Variants in RRAGB observed in about 807,000 individuals in gnomAD.
RRAGB encodes the protein ras-related GTP-binding protein B.
In RRAGB, 6 loss-of-function variants were observed where a neutral mutation model predicts 29.3. The ratio of observed to expected loss-of-function variants is 0.21; its 90% CI spans 0.11 to 0.40. RRAGB has a LOEUF of 0.40. Among genes scored for constraint, RRAGB ranks in the 10% least tolerant of loss-of-function variants. The pLI, the probability that RRAGB is intolerant of heterozygous loss-of-function variation, is 1.00. For missense variants in RRAGB, 184 were observed against 272.9 expected, an observed-to-expected ratio of 0.67 and a Z score of 2.29; for synonymous variants, 101 against 92.5, an observed-to-expected ratio of 1.09 and a Z score of -0.53.
intron 9 of RRAGB, among the ~76,000 whole-genome samples, chrX:55,757,938 T>C (rs2034699975): frequency 8.9e-6 from 1 of 112,019 alleles, no homozygotes; most frequent in African/African-American, 3.2e-5. Flanking sequence ...TTTAAATTAA[T>C]CTCTCATCCA....
intron 7 of RRAGB, among the ~76,000 whole-genome samples, chrX:55,753,903 G>A (rs972501861): frequency 8.9e-6 from 1 of 111,792 alleles, no homozygotes; most frequent in Non-Finnish European, 1.9e-5. Flanking sequence ...AAATTAGCCA[G>A]GTGTGGTGAC....
chrX:55,738,592 G>A (rs972092007), intron 5 of RRAGB, among the ~76,000 whole-genome samples: 1 of 112,534 alleles, frequency 8.9e-6, no homozygotes, highest in Non-Finnish European at 1.9e-5. Flanking sequence ...GGGATGGTGT[G>A]GGTAAATGAT....
intron 5 of RRAGB, among the ~76,000 whole-genome samples, chrX:55,738,595 T>C (rs1805154140): frequency 2.7e-5 from 3 of 112,442 alleles, no homozygotes; most frequent in African/African-American, 9.7e-5. Flanking sequence ...ATGGTGTGGG[T>C]AAATGATGTT....
At chrX:55,732,968 ATTTAT>A (rs1192133068) in intron 5 of RRAGB, among the ~76,000 whole-genome samples, 2 of 110,631 alleles carry the variant, frequency 1.8e-5, no homozygotes, top group Non-Finnish European at 3.8e-5. Flanking sequence ...TAGTATTTTA[ATTTAT>A]TTTATTATTT....
At chrX:55,741,217 C>A (rs1471385771) in intron 5 of RRAGB, among the ~76,000 whole-genome samples, 1 of 110,798 alleles carries the variant, frequency 9.0e-6, no homozygotes, top group Non-Finnish European at 1.9e-5. Flanking sequence ...GATGGCTAGC[C>A]ACTATGCTCT....
Position 55,758,402 on chromosome X carries a change from A to C in RRAGB, c.*59A>C. 1 of 765,362 alleles carries C rather than the reference A, an allele frequency of 1.3e-6. No homozygotes were observed. The highest frequency in any genetic ancestry group is 1.9e-6 in the Non-Finnish European group (1 of 521,045). The allele number at this position is 765,362 out of a possible 1,213,427, so 63.1% of individuals were successfully genotyped here. A position where few individuals can be genotyped will look rare whatever the true frequency, so the allele number is the denominator to read the frequency against. On this transcript the variant is annotated 3_prime_UTR_variant, in exon 10 of 10. Coordinates refer to ENST00000374941, the MANE Select transcript of RRAGB (RefSeq NM_006064.5). The stretch of plus-strand genomic sequence containing the variant: ...AAGTTTCCTAATTAATGTTGTATTC[A>C]TATATGTAGGCTCTGAAATGTTGTG...
At chrX:55,718,483 A>G in intron 1 of RRAGB, 64 bp downstream of exon 1, 1 of 681,916 alleles carries the variant, frequency 1.5e-6, no homozygotes, top group Non-Finnish European at 2.2e-6. Flanking sequence ...AGTATTGTGA[A>G]TTAGAACACT....
At chrX:55,749,078 C>T (rs1225572218) in intron 5 of RRAGB, among the ~76,000 whole-genome samples, 2 of 101,403 alleles carry the variant, frequency 2.0e-5, no homozygotes, top group African/African-American at 7.3e-5. Context: ...AGCCCCCCGC[C>T]CGGCCAGCCG....
chrX:55,723,970 A>T (rs1356795983), intron 3 of RRAGB, among the ~76,000 whole-genome samples: 1 of 111,980 alleles, frequency 8.9e-6, no homozygotes, highest in Admixed American at 9.4e-5. Context: ...ACTTGTTTAC[A>T]TTTTTCTTAT....
intron 5 of RRAGB, among the ~76,000 whole-genome samples, chrX:55,733,931 GT>G (rs144020341): frequency 0.52 from 51,541 of 100,038 alleles, 12,388 homozygotes; most frequent in East Asian, 0.74. Context: ...TGGTCCTGGG[GT>G]TTTTTTTTTT....
chrX:55,726,749 A>G (rs993220381), intron 3 of RRAGB, among the ~76,000 whole-genome samples: 1 of 111,657 alleles, frequency 9.0e-6, no homozygotes, highest in African/African-American at 3.3e-5. Flanking sequence ...TAGATTTTGT[A>G]GGAAGAAAGG....
intron 5 of RRAGB, among the ~76,000 whole-genome samples, chrX:55,748,020 G>A (rs1042299883): frequency 2.7e-5 from 3 of 112,423 alleles, no homozygotes; most frequent in East Asian, 2.8e-4. Context: ...GGCGGGCGCC[G>A]CCACACCTGA....
At chrX:55,742,018 T>C (rs894343398) in intron 5 of RRAGB, among the ~76,000 whole-genome samples, 1 of 112,238 alleles carries the variant, frequency 8.9e-6, no homozygotes, top group Non-Finnish European at 1.9e-5. Flanking sequence ...CAACCAAAAA[T>C]GCAATAATCA....
intron 5 of RRAGB, among the ~76,000 whole-genome samples, chrX:55,748,891 G>C (rs757355298): frequency 1.0e-5 from 1 of 100,463 alleles, no homozygotes; most frequent in Non-Finnish European, 2.0e-5. Context: ...CCGGCCAGCC[G>C]CCCCATCCGG....
intron 3 of RRAGB, chrX:55,727,246 G>A: frequency 9.0e-7 from 1 of 1,106,119 alleles, no homozygotes; most frequent in Non-Finnish European, 1.2e-6. Flanking sequence ...ACTGACTCCT[G>A]TCACTTCTTT....
At chrX:55,751,821 G>C (rs1280489973) in intron 6 of RRAGB, among the ~76,000 whole-genome samples, 1 of 111,241 alleles carries the variant, frequency 9.0e-6, no homozygotes, top group Non-Finnish European at 1.9e-5. Flanking sequence ...TACCTTATTG[G>C]CACATAGGCT....
intron 2 of RRAGB, among the ~76,000 whole-genome samples, chrX:55,719,813 T>C (rs1427542364): frequency 8.9e-6 from 1 of 112,554 alleles, no homozygotes; most frequent in Non-Finnish European, 1.9e-5. Context: ...CAGATAGAAT[T>C]GGACACACCT....
Position 55,722,435 on chromosome X carries a change from G to A in RRAGB, c.226+150G>A, listed in dbSNP as rs1187923013. On this transcript the variant is annotated intron_variant, in intron 3 of 9. Transcript: ENST00000374941. Reference sequence around the variant, plus strand: ...CCTTTTTGCATTCGTTTTCAAAGAGGTGTGGCCTAATACCAGTTACTACTG... The same window carrying A: ...CCTTTTTGCATTCGTTTTCAAAGAGATGTGGCCTAATACCAGTTACTACTG... 3.2e-5 allele frequency: 12 copies of A among 373,145 alleles called. No homozygotes were observed. In the South Asian group the frequency reaches 7.2e-4, roughly 22 times the overall value. The allele number at this position is 373,145 out of a possible 1,213,427, so 30.8% of individuals were successfully genotyped here.
At position 55,734,024 on chromosome X, in the gene RRAGB, C is replaced by T. The variant is rs746257092; in HGVS notation, c.516+2438C>T. Among the ~76,000 whole-genome samples, 5 of 107,476 alleles carry T rather than the reference C, an allele frequency of 4.7e-5. No homozygotes were observed. The East Asian group carries it at 1.5e-3, about 31-fold the overall frequency. The allele number at this position is 107,476 out of a possible 115,157, so 93.3% of individuals were successfully genotyped here. On this transcript the variant is annotated intron_variant, in intron 5 of 9. Transcript: ENST00000374941. ...TTTCACCCAGGCTGGAGTGCAGTGG[C>T]GTGGTCTCGTCTCACTGCAAGCTCT...
Sources: gnomAD v4.1 joint callset for allele counts (sites outside exome capture counted in the v4.1 genomes callset) on GRCh38, gnomAD v4.1.1 for gene constraint, MANE v1.5 for transcripts, NCBI Gene and HGNC (gene_info 2026-07-23, HGNC 2026-07-21) for gene names.